POU2F1: variants seen among roughly 807,000 people sequenced by gnomAD.
POU2F1 encodes the protein POU class 2 homeobox 1.
In POU2F1, 16 loss-of-function variants were observed where a neutral mutation model predicts 84.9. That is an observed-to-expected ratio of 0.19 (90% CI 0.13 to 0.29). The LOEUF (loss-of-function observed/expected upper bound fraction) is 0.29. POU2F1 is among the 10% of genes least tolerant of loss of function. The pLI is 1.00. For synonymous variants in POU2F1, 368 were observed against 368.3 expected (o/e 1.00, Z 0.01); for missense variants, 738 against 942.6 (o/e 0.78, Z 2.84).
At chr1:167,225,866 T>G (rs967819164) in intron 1 of POU2F1, among the ~76,000 whole-genome samples, 5 of 152,222 alleles carry the variant, frequency 3.3e-5, no homozygotes, top group African/African-American at 9.6e-5. Context: ...AGTTGTAATC[T>G]TTGCATATTA....
At chr1:167,335,188 T>A (rs1423073997) in intron 2 of POU2F1, among the ~76,000 whole-genome samples, 1 of 152,218 alleles carries the variant, frequency 6.6e-6, no homozygotes, top group East Asian at 1.9e-4. Context: ...CTATAATCAG[T>A]GTTATTAGGA....
chr1:167,313,808 G>A (rs910069061), intron 1 of POU2F1, among the ~76,000 whole-genome samples: 1 of 152,214 alleles, frequency 6.6e-6, no homozygotes, highest in Non-Finnish European at 1.5e-5. Flanking sequence ...ATGGTCCACA[G>A]TGGGAGAAAA....
chr1:167,313,769 G>A (rs1279866986), intron 1 of POU2F1, among the ~76,000 whole-genome samples: 1 of 152,184 alleles, frequency 6.6e-6, no homozygotes, highest in Non-Finnish European at 1.5e-5. Flanking sequence ...TTTGCTATGT[G>A]CAAACCTCTG....
rs531512122 is a variant in POU2F1 at position 167,273,846 on chromosome 1, G to T, written c.61+52888G>T. Among the ~76,000 whole-genome samples, 4 of 152,280 alleles carry T rather than the reference G, an allele frequency of 2.6e-5. No individual in the cohort carries two copies. The South Asian group carries it at 8.3e-4, about 32-fold the overall frequency. The stretch of plus-strand genomic sequence containing the variant: ...TATTGCTTAAGATAGAAAAATAAGG[G>T]ATTTCAAAATGTAAGAGTGAAAGAA... On this transcript the variant is annotated intron_variant, in intron 1 of 15. Transcript: ENST00000367866.
Position 167,269,218 on chromosome 1 carries a change from A to C in POU2F1, c.61+48260A>C, listed in dbSNP as rs114421142. Among the ~76,000 whole-genome samples, 529 of 152,352 alleles carry C rather than the reference A, an allele frequency of 3.5e-3. 2 individuals carry two copies. The highest frequency in any genetic ancestry group is 0.012 in the African/African-American group (513 of 41,576). ...TAGATCCAAACTTAAAATGTGAGAA[A>C]TTATTGAAATTTCATTTTCTACAAA... On this transcript the variant is annotated intron_variant, in intron 1 of 15. Coordinates refer to ENST00000367866, the MANE Select transcript of POU2F1 (RefSeq NM_002697.4).
At chr1:167,246,467 G>A (rs964523650) in intron 1 of POU2F1, among the ~76,000 whole-genome samples, 2 of 151,716 alleles carry the variant, frequency 1.3e-5, no homozygotes, top group African/African-American at 4.8e-5. Flanking sequence ...TTTCTCTTTA[G>A]GTCTTTGCTT....
intron 2 of POU2F1, among the ~76,000 whole-genome samples, chr1:167,342,181 C>T (rs1364303865): frequency 6.6e-6 from 1 of 152,084 alleles, no homozygotes. Context: ...GAGGGTGGGG[C>T]CTTTGCTGGG....
chr1:167,359,687 G>A (rs977535199), intron 2 of POU2F1, among the ~76,000 whole-genome samples: 2 of 152,064 alleles, frequency 1.3e-5, no homozygotes, highest in Admixed American at 6.6e-5. Context: ...TTTTCTTTGG[G>A]TATATATCCA....
chr1:167,305,867 A>C (rs748727664), intron 1 of POU2F1, among the ~76,000 whole-genome samples: 85 of 152,282 alleles, frequency 5.6e-4, no homozygotes, highest in Admixed American at 5.9e-4. Flanking sequence ...GAAGGGCAGG[A>C]GGGTGGGGCA....
intron 1 of POU2F1, among the ~76,000 whole-genome samples, chr1:167,272,354 C>T (rs1571206486): frequency 1.7e-5 from 2 of 116,850 alleles, no homozygotes; most frequent in African/African-American, 6.6e-5. Flanking sequence ...TGTTCTTACT[C>T]TGGTTTTGTA....
intron 2 of POU2F1, among the ~76,000 whole-genome samples, chr1:167,333,673 G>A (rs71523122): frequency 6.6e-6 from 1 of 152,124 alleles, no homozygotes; most frequent in Non-Finnish European, 1.5e-5. Context: ...CACCCCTGTT[G>A]TATTTAACAC....
At position 167,250,606 on chromosome 1, in the gene POU2F1, A is replaced by G. The variant is rs140842014; in HGVS notation, c.61+29648A>G. On this transcript the variant is annotated intron_variant, in intron 1 of 15. Transcript: ENST00000367866. ...ATATGTACAAATAACAAAGGTAGCA[A>G]TATGGTTTGTTGGTTTTCTTTAAAC... 1.3e-3 allele frequency among the ~76,000 whole-genome samples: 191 copies of G among 152,330 alleles called. 1 individual carries two copies. Among genetic ancestry groups the G allele is most frequent in the Non-Finnish European group, 2.1e-3 (140 of 68,018 alleles).
chr1:167,221,606 G>T (rs1175581560), intron 1 of POU2F1, among the ~76,000 whole-genome samples: 5 of 150,514 alleles, frequency 3.3e-5, no homozygotes, highest in Non-Finnish European at 7.4e-5. Flanking sequence ...GCAACCGGGG[G>T]TGCGCGCGGG....
chr1:167,388,553 T>G (rs759192234), intron 8 of POU2F1, among the ~76,000 whole-genome samples: 7 of 152,202 alleles, frequency 4.6e-5, no homozygotes, highest in Non-Finnish European at 1.0e-4. Context: ...ACTGGTTAAG[T>G]AAATTATGAG....
In POU2F1 at chr1:167,308,866, T is replaced by C. The variant is rs140370977; in HGVS notation, c.62-23604T>C. 1.8e-4 allele frequency among the ~76,000 whole-genome samples: 27 copies of C among 152,344 alleles called. 1 individual carries two copies. Among genetic ancestry groups the C allele is most frequent in the African/African-American group, 4.6e-4 (19 of 41,580 alleles). The stretch of plus-strand genomic sequence containing the variant: ...TTATTACTGTGATGGTTTTCAAATA[T>C]TGATTTCCCAATTATATTATTCTAC... On this transcript the variant is annotated intron_variant, in intron 1 of 15. Coordinates refer to ENST00000367866, the MANE Select transcript of POU2F1 (RefSeq NM_002697.4).
At chr1:167,237,504 T>C (rs1649555143) in intron 1 of POU2F1, among the ~76,000 whole-genome samples, 2 of 152,248 alleles carry the variant, frequency 1.3e-5, no homozygotes, top group South Asian at 4.1e-4. Flanking sequence ...ATGTTATTTT[T>C]ACCATTTTGA....
Position 167,418,055 on chromosome 1 carries a change from TTA to T in POU2F1, c.*2247_*2248del, listed in dbSNP as rs1350512751. 6.6e-6 allele frequency: 1 copy of T among 152,190 alleles called. No homozygotes were observed. Among genetic ancestry groups the T allele is most frequent in the East Asian group, 1.9e-4 (1 of 5,202 alleles). 9.4% of individuals were successfully genotyped at this position (152,190 alleles called of 1,614,324 possible). On this transcript the variant is annotated 3_prime_UTR_variant, in exon 16 of 16. Coordinates refer to ENST00000367866, the MANE Select transcript of POU2F1 (RefSeq NM_002697.4). ...CACCCTTTTTGTGTGGTGTGTTTTT[TTA>T]TGTTTTGTTTTGTTTTTTAACTAAG...
intron 1 of POU2F1, among the ~76,000 whole-genome samples, chr1:167,232,443 G>A (rs1302435753): frequency 6.6e-6 from 1 of 152,140 alleles, no homozygotes; most frequent in Non-Finnish European, 1.5e-5. Context: ...AAATAGATAA[G>A]AGCTTATAGA....
chr1:167,249,953 A>G (rs551434291), intron 1 of POU2F1, among the ~76,000 whole-genome samples: 5 of 152,346 alleles, frequency 3.3e-5, no homozygotes, highest in Admixed American at 3.3e-4. Flanking sequence ...GTCAGATGGT[A>G]GATACTTATT....
Sources: allele counts gnomAD v4.1 joint callset (sites outside exome capture counted in the v4.1 genomes callset), GRCh38; gene constraint gnomAD v4.1.1; transcripts MANE v1.5; gene names NCBI Gene and HGNC (gene_info 2026-07-23, HGNC 2026-07-21).